NRXN3: variants seen among roughly 807,000 people sequenced by gnomAD.
The protein encoded by NRXN3 is neurexin 3, also known as neurexin III.
NRXN3 carries 32 observed loss-of-function variants against 137.6 expected under a neutral mutation model. The observed-to-expected ratio is 0.23, with a 90% CI of 0.18 to 0.31. NRXN3 has a LOEUF of 0.31. Among genes scored for constraint, NRXN3 ranks in the 10% least tolerant of loss-of-function variants. NRXN3 has a pLI of 1.00. For synonymous variants in NRXN3, 798 were observed against 784.5 expected (o/e 1.02, Z -0.29); for missense variants, 1,574 against 2,062.5 (o/e 0.76, Z 4.59).
In NRXN3 at chr14:79,750,525, A is replaced by G. The variant is rs1451838369; in HGVS notation, c.4014+52588A>G. 5.9e-5 allele frequency among the ~76,000 whole-genome samples: 9 copies of G among 152,280 alleles called. No homozygotes were observed. In the East Asian group the frequency reaches 7.7e-4, roughly 13 times the overall value. On this transcript the variant is annotated intron_variant, in intron 19 of 20. Transcript: ENST00000335750. ...TCTTTATGATTCTCTATTCTATGAC[A>G]TACTTTGTGAATTCATCTGTAATCA...
chr14:78,835,004 T>C (rs967124829), intron 10 of NRXN3, among the ~76,000 whole-genome samples: 2 of 151,944 alleles, frequency 1.3e-5, no homozygotes, highest in Non-Finnish European at 2.9e-5. Flanking sequence ...GCTGTCTTGC[T>C]AAAGACATCC....
At chr14:79,359,306 A>G (rs1041218884) in intron 15 of NRXN3, among the ~76,000 whole-genome samples, 4 of 152,086 alleles carry the variant, frequency 2.6e-5, no homozygotes, top group African/African-American at 4.8e-5. Flanking sequence ...GTCCTTGCCA[A>G]TTTTTAAGTA....
At chr14:78,788,642 A>G (rs564021986) in intron 8 of NRXN3, among the ~76,000 whole-genome samples, 3 of 152,226 alleles carry the variant, frequency 2.0e-5, no homozygotes, top group East Asian at 3.9e-4. Context: ...CCCTAGACCC[A>G]TTAGGGAAAG....
chr14:79,373,529 CT>C (rs2153438514), intron 15 of NRXN3, among the ~76,000 whole-genome samples: 1 of 152,274 alleles, frequency 6.6e-6, no homozygotes, highest in East Asian at 1.9e-4. Flanking sequence ...GATTATTTTA[CT>C]GTTTCATTTC....
chr14:79,787,462 T>C (rs893658712), intron 19 of NRXN3, among the ~76,000 whole-genome samples: 2 of 152,218 alleles, frequency 1.3e-5, no homozygotes, highest in Admixed American at 6.5e-5. Flanking sequence ...CATTATTAAC[T>C]CTAGTCACCA....
At chr14:78,298,930 A>G (rs2076616115) in intron 4 of NRXN3, among the ~76,000 whole-genome samples, 1 of 152,234 alleles carries the variant, frequency 6.6e-6, no homozygotes, top group African/African-American at 2.4e-5. Flanking sequence ...CATTTTTGAC[A>G]TAAACGGCAG....
intron 6 of NRXN3, among the ~76,000 whole-genome samples, chr14:78,654,129 C>T (rs1472422606): frequency 6.6e-6 from 1 of 152,166 alleles, no homozygotes; most frequent in Non-Finnish European, 1.5e-5. Context: ...TTAATAATTA[C>T]ACTTCACTTT....
rs2142015111 is a variant in NRXN3 at position 79,867,761 on chromosome 14, C to T, written c.*5797C>T. 1 of 152,166 alleles carries T rather than the reference C, an allele frequency of 6.6e-6. No individual in the cohort carries two copies. The highest frequency in any genetic ancestry group is 2.1e-4 in the South Asian group (1 of 4,820). 9.4% of individuals were successfully genotyped at this position (152,166 alleles called of 1,614,324 possible). The stretch of plus-strand genomic sequence containing the variant: ...TAACCTTTTTGAAGTGGTTACATGG[C>T]CCAAGTAGAAGAGCAAATAATTCCA... On this transcript the variant is annotated 3_prime_UTR_variant, in exon 21 of 21. Transcript: ENST00000335750.
intron 6 of NRXN3, among the ~76,000 whole-genome samples, chr14:78,652,797 C>G (rs967597189): frequency 4.6e-5 from 7 of 152,172 alleles, no homozygotes; most frequent in Non-Finnish European, 8.8e-5. Context: ...CATTGAGTAC[C>G]TTTTTTGTGC....
intron 4 of NRXN3, among the ~76,000 whole-genome samples, chr14:78,380,794 T>G (rs1266749148): frequency 6.6e-6 from 1 of 150,614 alleles, no homozygotes; most frequent in African/African-American, 2.4e-5. Context: ...TATCAAGTTT[T>G]TTTTTTTTTT....
chr14:78,376,868 A>G (rs1466988879), intron 4 of NRXN3, among the ~76,000 whole-genome samples: 2 of 152,210 alleles, frequency 1.3e-5, no homozygotes, highest in African/African-American at 2.4e-5. Context: ...GGATTGTGAT[A>G]AGTTATGTAT....
At chr14:79,119,836 C>T (rs1209881552) in intron 15 of NRXN3, among the ~76,000 whole-genome samples, 1 of 151,976 alleles carries the variant, frequency 6.6e-6, no homozygotes, top group Non-Finnish European at 1.5e-5. Context: ...CATGGCCATG[C>T]CTATACTTTA....
At chr14:78,957,207 T>C (rs1308148159) in intron 10 of NRXN3, 35 bp from the exon 11 acceptor site, 1 of 1,609,488 alleles carries the variant, frequency 6.2e-7, no homozygotes, top group Non-Finnish European at 8.5e-7. Context: ...ACTTTCAGAA[T>C]TGATTCTAAC....
chr14:78,234,360 G>A (rs965807706), intron 1 of NRXN3, among the ~76,000 whole-genome samples: 1 of 152,226 alleles, frequency 6.6e-6, no homozygotes, highest in African/African-American at 2.4e-5. Context: ...TATCTGTGCT[G>A]AGCATTGTCC....
intron 4 of NRXN3, among the ~76,000 whole-genome samples, chr14:78,535,557 G>C (rs1427442877): frequency 6.6e-6 from 1 of 152,172 alleles, no homozygotes; most frequent in Non-Finnish European, 1.5e-5. Context: ...TAATTGGATA[G>C]TGCTTACTTC....
At chr14:79,470,951 AGTGTGT>A (rs371413883) in intron 16 of NRXN3, among the ~76,000 whole-genome samples, 8,952 of 116,232 alleles carry the variant, frequency 0.077, 383 homozygotes, top group African/African-American at 0.13. Flanking sequence ...AGAGAGAGAG[AGTGTGT>A]GTGTGTGTGT....
intron 3 of NRXN3, among the ~76,000 whole-genome samples, chr14:78,289,622 A>C (rs1264452930): frequency 6.6e-6 from 1 of 151,916 alleles, no homozygotes; most frequent in Admixed American, 6.6e-5. Context: ...AACTTTAAAA[A>C]CGCTCGATGG....
chr14:78,261,826 T>C (rs895239325), intron 2 of NRXN3, among the ~76,000 whole-genome samples: 2 of 152,170 alleles, frequency 1.3e-5, no homozygotes, highest in East Asian at 1.9e-4. Flanking sequence ...CTCATTCTCC[T>C]ACATCACTCT....
chr14:79,263,452 G>GTT (rs1433478947), intron 15 of NRXN3, among the ~76,000 whole-genome samples: 1 of 152,132 alleles, frequency 6.6e-6, no homozygotes, highest in Non-Finnish European at 1.5e-5. Context: ...ATGTGTGTGT[G>GTT]TTTATCTCAT....
Sources: allele counts gnomAD v4.1 joint callset (sites outside exome capture counted in the v4.1 genomes callset), GRCh38; gene constraint gnomAD v4.1.1; transcripts MANE v1.5; gene names NCBI Gene and HGNC (gene_info 2026-07-23, HGNC 2026-07-21).